TRPM3: variants seen among roughly 807,000 people sequenced by gnomAD.
TRPM3 encodes the protein long transient receptor potential channel 3.
Under a neutral mutation model 181.2 loss-of-function variants are expected in TRPM3, and 77 were observed. That is an observed-to-expected ratio of 0.42 (90% CI 0.35 to 0.51). The LOEUF is 0.51. TRPM3 is among the 20% of genes least tolerant of loss of function. The probability of loss-of-function intolerance (pLI) is 0.01; values close to 1 mark genes in which losing one functional copy is unlikely to be tolerated. For synonymous variants in TRPM3, 745 were observed against 796.4 expected (o/e 0.94, Z 1.09); for missense variants, 1,759 against 2,196.7 (o/e 0.80, Z 3.98).
At chr9:71,092,009 T>C (rs1318738662) in intron 1 of TRPM3, among the ~76,000 whole-genome samples, 1 of 152,152 alleles carries the variant, frequency 6.6e-6, no homozygotes, top group Non-Finnish European at 1.5e-5. Context: ...GTCACATCTG[T>C]CTATACATAA....
At chr9:71,127,771 C>T (rs1408760172) in intron 1 of TRPM3, among the ~76,000 whole-genome samples, 6 of 152,158 alleles carry the variant, frequency 3.9e-5, no homozygotes, top group African/African-American at 1.4e-4. Context: ...GGCCATAGAC[C>T]GAATGGCCTG....
chr9:71,322,842 A>C (rs2089363045), intron 1 of TRPM3, among the ~76,000 whole-genome samples: 1 of 152,142 alleles, frequency 6.6e-6, no homozygotes, highest in Non-Finnish European at 1.5e-5. Context: ...TAGTTTTTTT[A>C]AAGGCAAACC....
chr9:71,133,929 C>T (rs2074545256), intron 1 of TRPM3, among the ~76,000 whole-genome samples: 1 of 151,712 alleles, frequency 6.6e-6, no homozygotes, highest in Non-Finnish European at 1.5e-5. Flanking sequence ...ATTCTTCTTC[C>T]TTACTGGTCT....
rs566557385 is a variant in TRPM3, at chr9:70,781,121, C to A, written c.1148+2984G>T. 2.6e-5 allele frequency among the ~76,000 whole-genome samples: 4 copies of A among 151,934 alleles called. No individual in the cohort carries two copies. The South Asian group carries it at 6.2e-4, about 24-fold the overall frequency. ...TGGGAGGATCACGAGGTTAGGAGATCGAGACCATCCTGGCTAACACAGTGA... is the reference window on the plus strand; with the variant it reads ...TGGGAGGATCACGAGGTTAGGAGATAGAGACCATCCTGGCTAACACAGTGA... On this transcript the variant is annotated intron_variant, in intron 7 of 25. Transcript: ENST00000677713.
At chr9:70,549,707 G>A in intron 24 of TRPM3, 33 bp from the exon 25 acceptor site, 1 of 1,574,012 alleles carries the variant, frequency 6.4e-7, no homozygotes, top group Non-Finnish European at 8.6e-7. Context: ...AGTCTTGAGG[G>A]AGAGAAGTAA....
intron 22 of TRPM3, among the ~76,000 whole-genome samples, chr9:70,580,746 T>A (rs1298259171): frequency 6.6e-6 from 1 of 152,238 alleles, no homozygotes; most frequent in Non-Finnish European, 1.5e-5. Context: ...GCTTAACTGT[T>A]ACCTCCAGGA....
At chr9:70,635,155 A>C in intron 12 of TRPM3, 56 bp downstream of exon 12, 1 of 1,512,498 alleles carries the variant, frequency 6.6e-7, no homozygotes, top group South Asian at 1.1e-5. Context: ...GGCACTCTCT[A>C]ATCACAGGAA....
chr9:71,121,842 G>C (rs1324989130), upstream of TRPM3, among the ~76,000 whole-genome samples: 4 of 152,128 alleles, frequency 2.6e-5, no homozygotes, highest in African/African-American at 9.7e-5. Context: ...GGGAGAGAAG[G>C]GGTGCCTCCG....
intron 1 of TRPM3, among the ~76,000 whole-genome samples, chr9:71,226,383 T>A (rs1317437702): frequency 6.6e-6 from 1 of 151,678 alleles, no homozygotes; most frequent in Admixed American, 6.6e-5. Context: ...TTGAAAGACA[T>A]AGAGTGGCTG....
chr9:71,213,577 T>C (rs909755730), intron 1 of TRPM3, among the ~76,000 whole-genome samples: 12 of 152,244 alleles, frequency 7.9e-5, no homozygotes, highest in African/African-American at 2.7e-4. Flanking sequence ...AAAACATCAG[T>C]ACTTTCACTT....
chr9:70,942,184 C>G (rs1258317281), intron 1 of TRPM3, among the ~76,000 whole-genome samples: 3 of 152,158 alleles, frequency 2.0e-5, no homozygotes, highest in Non-Finnish European at 4.4e-5. Context: ...GACAATCTTC[C>G]TTCCTAAAAG....
chr9:70,965,908 A>C (rs2097180240), intron 1 of TRPM3, among the ~76,000 whole-genome samples: 1 of 152,018 alleles, frequency 6.6e-6, no homozygotes, highest in Admixed American at 6.6e-5. Context: ...CTTTAAACTA[A>C]AGAGCTTCTA....
chr9:71,426,252 T>C (rs1010889025), intron 1 of TRPM3, among the ~76,000 whole-genome samples: 2 of 151,000 alleles, frequency 1.3e-5, no homozygotes, highest in Non-Finnish European at 2.9e-5. Context: ...ACATCCATAC[T>C]GGGAAAATAA....
At chr9:70,929,386 G>C (rs2096752671) in intron 1 of TRPM3, among the ~76,000 whole-genome samples, 1 of 152,022 alleles carries the variant, frequency 6.6e-6, no homozygotes, top group Non-Finnish European at 1.5e-5. Flanking sequence ...ACTTTTAGTA[G>C]AGACGGAGTT....
At chr9:70,991,848 G>A (rs1233444309) in intron 1 of TRPM3, among the ~76,000 whole-genome samples, 1 of 152,070 alleles carries the variant, frequency 6.6e-6, no homozygotes, top group Admixed American at 6.5e-5. Flanking sequence ...GCTTCAAACT[G>A]TTTCAAGTTC....
At chr9:70,843,891 A>G (rs1301361711) in intron 4 of TRPM3, among the ~76,000 whole-genome samples, 2 of 152,178 alleles carry the variant, frequency 1.3e-5, no homozygotes, top group African/African-American at 4.8e-5. Context: ...CTCTACGAAA[A>G]GATGTTTCTG....
At chr9:70,593,256 T>A (rs1302361028) in intron 21 of TRPM3, among the ~76,000 whole-genome samples, 1 of 152,204 alleles carries the variant, frequency 6.6e-6, no homozygotes, top group Non-Finnish European at 1.5e-5. Flanking sequence ...TCTTCTATAG[T>A]TTAGTGGTCT....
chr9:71,278,243 A>G (rs1011725676), intron 1 of TRPM3, among the ~76,000 whole-genome samples: 1 of 152,264 alleles, frequency 6.6e-6, no homozygotes, highest in Admixed American at 6.5e-5. Context: ...ATCCCAGATT[A>G]GAAGAGGAGA....
chr9:70,987,774 G>A (rs1004111099), intron 1 of TRPM3, among the ~76,000 whole-genome samples: 3 of 151,838 alleles, frequency 2.0e-5, no homozygotes, highest in Non-Finnish European at 4.4e-5. Flanking sequence ...GTTGGATCCT[G>A]GAATGTCTTT....
Sources: gnomAD v4.1 joint callset for allele counts (sites outside exome capture counted in the v4.1 genomes callset) on GRCh38, gnomAD v4.1.1 for gene constraint, MANE v1.5 for transcripts, NCBI Gene and HGNC (gene_info 2026-07-23, HGNC 2026-07-21) for gene names.